Variants in SCAPER observed in about 807,000 individuals in gnomAD.
SCAPER encodes the protein S phase cyclin A-associated protein in the endoplasmic reticulum.
In SCAPER, 98 loss-of-function variants were observed where a neutral mutation model predicts 182.2. The ratio of observed to expected loss-of-function variants is 0.54; its 90% CI spans 0.46 to 0.64. The LOEUF is 0.64. SCAPER is among the 30% of genes least tolerant of loss of function. The probability of loss-of-function intolerance (pLI) is 0.00; values close to 1 mark genes in which losing one functional copy is unlikely to be tolerated. For missense variants in SCAPER, 1,432 were observed against 1,690.0 expected (o/e 0.85, Z 2.68); for synonymous variants, 605 against 564.6 (o/e 1.07, Z -1.01).
chr15:76,779,767 T>A (rs1269738800), intron 8 of SCAPER, among the ~76,000 whole-genome samples: 3 of 151,906 alleles, frequency 2.0e-5, no homozygotes, highest in Admixed American at 2.0e-4. Flanking sequence ...AAATCTCTCA[T>A]GAACTGAGAC....
intron 27 of SCAPER, among the ~76,000 whole-genome samples, chr15:76,394,605 A>G (rs1222399522): frequency 6.6e-6 from 1 of 152,178 alleles, no homozygotes; most frequent in African/African-American, 2.4e-5. Context: ...TCCACCTTCT[A>G]ATACATTCTT....
chr15:76,602,617 T>C lies in SCAPER; in HGVS notation c.2711+19147A>G, dbSNP rs1224960309. 4.1e-5 allele frequency among the ~76,000 whole-genome samples: 5 copies of C among 121,078 alleles called. 1 individual carries two copies. The highest frequency in any genetic ancestry group is 9.6e-5 in the Admixed American group (1 of 10,408). 79.4% of individuals were successfully genotyped at this position (121,078 alleles called of 152,430 possible). On this transcript the variant is annotated intron_variant, in intron 22 of 31. Coordinates refer to ENST00000563290, the MANE Select transcript of SCAPER (RefSeq NM_020843.4). ...GGATCTAGGATTTGGTGTCTGTCAC[T>C]AATTTGGGGAAAATTCTCAGTCATG...
chr15:76,401,702 G>A (rs1334848162), intron 27 of SCAPER, among the ~76,000 whole-genome samples: 1 of 152,136 alleles, frequency 6.6e-6, no homozygotes, highest in East Asian at 1.9e-4. Context: ...AACTAAACAT[G>A]ACGCTAACTC....
In SCAPER at chr15:76,818,279, T is replaced by A. The variant is rs570721862; in HGVS notation, c.394-13646A>T. ...ATGAATCTAGACACAGAACTTATAA[T>A]CTTCACAAAAATTAACTCAAATTGG... On this transcript the variant is annotated intron_variant, in intron 5 of 31. Coordinates refer to ENST00000563290, the MANE Select transcript of SCAPER (RefSeq NM_020843.4). Among the ~76,000 whole-genome samples, 193 of 152,300 alleles carry A rather than the reference T, an allele frequency of 1.3e-3. 1 individual carries two copies. Among genetic ancestry groups the A allele is most frequent in the African/African-American group, 4.3e-3 (177 of 41,562 alleles).
At chr15:76,783,570 G>A (rs188929985) in intron 8 of SCAPER, among the ~76,000 whole-genome samples, 183 of 152,206 alleles carry the variant, frequency 1.2e-3, no homozygotes, top group African/African-American at 4.3e-3. Context: ...GCCTGACAGA[G>A]ACACAAAAAC....
chr15:76,892,323 G>A (rs970087555), intron 1 of SCAPER, among the ~76,000 whole-genome samples: 1 of 152,098 alleles, frequency 6.6e-6, no homozygotes, highest in African/African-American at 2.4e-5. Flanking sequence ...ACAGACAAAT[G>A]GGATCTAATT....
intron 26 of SCAPER, among the ~76,000 whole-genome samples, chr15:76,411,471 A>G (rs1006574572): frequency 3.3e-5 from 5 of 152,246 alleles, no homozygotes; most frequent in African/African-American, 1.2e-4. Context: ...GGTCTCAAGC[A>G]TTTCAGATAA....
chr15:76,620,719 G>A (rs1032987807), intron 22 of SCAPER, among the ~76,000 whole-genome samples: 6 of 152,108 alleles, frequency 3.9e-5, no homozygotes, highest in Non-Finnish European at 1.5e-5. Flanking sequence ...AAAAGTACCA[G>A]TAAAAGAGTC....
chr15:76,373,705 C>T lies in SCAPER; in HGVS notation c.3855+2457G>A, dbSNP rs866378988. 3.9e-5 allele frequency among the ~76,000 whole-genome samples: 6 copies of T among 152,176 alleles called. No homozygotes were observed. In the South Asian group the frequency reaches 1.0e-3, roughly 26 times the overall value. On this transcript the variant is annotated intron_variant, in intron 29 of 31. Coordinates refer to ENST00000563290, the MANE Select transcript of SCAPER (RefSeq NM_020843.4). ...AGGATCCAAACTGTCTATATTTTAG[C>T]CATGGGAATCTTTCTAGAACAGACT...
intron 20 of SCAPER, among the ~76,000 whole-genome samples, chr15:76,683,343 A>G (rs2057841809): frequency 6.6e-6 from 1 of 152,222 alleles, no homozygotes; most frequent in South Asian, 2.1e-4. Flanking sequence ...TAACTCAGTC[A>G]AACAAAATAA....
At chr15:76,503,780 A>G (rs975586092) in intron 24 of SCAPER, among the ~76,000 whole-genome samples, 1 of 152,250 alleles carries the variant, frequency 6.6e-6, no homozygotes, top group Non-Finnish European at 1.5e-5. Flanking sequence ...CCTACTCCAA[A>G]GCCAATGCTA....
intron 23 of SCAPER, among the ~76,000 whole-genome samples, chr15:76,539,218 T>C (rs1218745377): frequency 1.3e-5 from 2 of 152,138 alleles, no homozygotes; most frequent in Admixed American, 6.5e-5. Flanking sequence ...AGAGGATTGA[T>C]AACTAGATTA....
intron 15 of SCAPER, among the ~76,000 whole-genome samples, chr15:76,751,796 A>G (rs1018812436): frequency 2.6e-5 from 4 of 151,826 alleles, no homozygotes; most frequent in Non-Finnish European, 4.4e-5. Context: ...CACAGGATCA[A>G]AGTGTCACGA....
At chr15:76,371,465 G>A (rs913570166) in intron 29 of SCAPER, among the ~76,000 whole-genome samples, 7 of 151,908 alleles carry the variant, frequency 4.6e-5, no homozygotes, top group East Asian at 2.0e-4. Context: ...GATTATAGGC[G>A]TGTGCCACCA....
At chr15:76,572,327 T>G (rs138681623) in intron 23 of SCAPER, among the ~76,000 whole-genome samples, 1 of 152,326 alleles carries the variant, frequency 6.6e-6, no homozygotes, top group African/African-American at 2.4e-5. Context: ...TATAAATAAT[T>G]TTTTAAAAGA....
intron 14 of SCAPER, among the ~76,000 whole-genome samples, chr15:76,757,548 C>T (rs1428766487): frequency 1.2e-4 from 18 of 151,898 alleles, no homozygotes; most frequent in African/African-American, 4.8e-5. Flanking sequence ...TTGGCTATTA[C>T]GAATAATGTT....
intron 5 of SCAPER, among the ~76,000 whole-genome samples, chr15:76,813,240 A>AC (rs1223505569): frequency 4.5e-5 from 4 of 89,080 alleles, no homozygotes; most frequent in African/African-American, 9.2e-5. Flanking sequence ...AAAAAAAAAA[A>AC]AAAAAAAAAA....
chr15:76,615,125 G>A (rs1029606644), intron 22 of SCAPER, among the ~76,000 whole-genome samples: 38 of 152,094 alleles, frequency 2.5e-4, no homozygotes, highest in Middle Eastern at 3.2e-3. Flanking sequence ...AAAATCTCTC[G>A]TTGAAGAAAA....
chr15:76,715,941 T>A (rs968847187), intron 17 of SCAPER, among the ~76,000 whole-genome samples: 1 of 152,104 alleles, frequency 6.6e-6, no homozygotes, highest in African/African-American at 2.4e-5. Flanking sequence ...GCTACAGTAG[T>A]TTCACAAGAC....
Sources: allele counts gnomAD v4.1 joint callset (sites outside exome capture counted in the v4.1 genomes callset), GRCh38; gene constraint gnomAD v4.1.1; transcripts MANE v1.5; gene names NCBI Gene and HGNC (gene_info 2026-07-23, HGNC 2026-07-21).